The following CEP192 variants were observed in gnomAD, a reference collection of about 807,000 sequenced individuals.
CEP192 encodes centrosomal protein of 192 kDa.
Under a neutral mutation model 271.8 loss-of-function variants are expected in CEP192, and 151 were observed. The observed-to-expected ratio is 0.56, with a 90% CI of 0.49 to 0.64. CEP192 has a LOEUF of 0.64. Among genes scored for constraint, CEP192 ranks in the 30% least tolerant of loss-of-function variants. The pLI, the probability that CEP192 is intolerant of heterozygous loss-of-function variation, is 0.00. For missense variants in CEP192, 2,910 were observed against 3,020.5 expected (o/e 0.96, Z 0.86); for synonymous variants, 995 against 1,076.5 (o/e 0.92, Z 1.48).
At chr18:13,036,231 A>ATC (rs2035910273) in intron 11 of CEP192, among the ~76,000 whole-genome samples, 1 of 152,156 alleles carries the variant, frequency 6.6e-6, no homozygotes, top group African/African-American at 2.4e-5. Context: ...TCTGACAGGT[A>ATC]GGAAGCCTCA....
chr18:13,008,376 C>A, intron 3 of CEP192, 80 bp from the exon 4 acceptor site: 1 of 1,017,404 alleles, frequency 9.8e-7, no homozygotes, highest in Non-Finnish European at 1.4e-6. Context: ...AGGTAAAATA[C>A]ATAACTGATT....
Position 13,059,290 on chromosome 18 carries a change from T to C in CEP192, c.4466T>C (p.Ile1489Thr), listed in dbSNP as rs760405828. ...ALASTVTLTA[I>T]AESPVIEVET... ...GCCAGCACCGTCACTCTCACTGCCA[T>C]TGCCGAGAGTCCTGTTATTGAGGTA... Residue 1489 changes from isoleucine (I) to threonine (T), a missense_variant, in exon 21 of 45, where the codon ATT becomes ACT. Coordinates refer to ENST00000506447, the MANE Select transcript of CEP192 (RefSeq NM_032142.4). 1 of 1,613,644 alleles carries C rather than the reference T, an allele frequency of 6.2e-7. No homozygotes were observed. The highest frequency in any genetic ancestry group is 1.1e-5 in the South Asian group (1 of 91,080).
intron 42 of CEP192, among the ~76,000 whole-genome samples, chr18:13,115,160 C>T (rs2040370784): frequency 6.6e-6 from 1 of 152,324 alleles, no homozygotes; most frequent in Non-Finnish European, 1.5e-5. Flanking sequence ...GGCACACTCC[C>T]TCCAGGCTGT....
At position 13,024,562 on chromosome 18, in the gene CEP192, A is replaced by G. The variant is rs139888833; in HGVS notation, c.1051-5101A>G. On this transcript the variant is annotated intron_variant, in intron 9 of 44. Transcript: ENST00000506447. ...ACTGCAACCTCTGACTCCCTGGTTC[A>G]ATTGATTCTCCTGCCTCAGCCTCCC... Among the ~76,000 whole-genome samples the G allele has an allele frequency of 3.0e-4, 45 of 152,132 alleles. No homozygotes were observed. In the East Asian group the frequency reaches 8.7e-3, roughly 29 times the overall value.
intron 44 of CEP192, among the ~76,000 whole-genome samples, chr18:13,123,834 A>G (rs960069488): frequency 6.6e-6 from 1 of 152,192 alleles, no homozygotes; most frequent in Non-Finnish European, 1.5e-5. Flanking sequence ...TATATACTGT[A>G]ATCTGAAAGT....
chr18:13,100,773 A>C (rs1219447059), intron 38 of CEP192, among the ~76,000 whole-genome samples: 2 of 152,200 alleles, frequency 1.3e-5, no homozygotes, highest in African/African-American at 4.8e-5. Flanking sequence ...TGCAACTGTC[A>C]CCAGATCTTG....
chr18:13,004,022 CAA>C (rs1351339659), intron 3 of CEP192, among the ~76,000 whole-genome samples: 3 of 152,082 alleles, frequency 2.0e-5, no homozygotes, highest in Non-Finnish European at 2.9e-5. Context: ...GAAGCCATGT[CAA>C]GAGCATGTAT....
At chr18:12,991,822 A>G (rs1159220192) in intron 1 of CEP192, among the ~76,000 whole-genome samples, 5 of 152,196 alleles carry the variant, frequency 3.3e-5, no homozygotes, top group African/African-American at 1.2e-4. Flanking sequence ...GTGCTTGTGA[A>G]GTGACCGGTG....
intron 41 of CEP192, 95 bp from the exon 42 acceptor site, chr18:13,114,035 T>C (rs2040323357): frequency 7.0e-7 from 1 of 1,425,304 alleles, no homozygotes; most frequent in Non-Finnish European, 9.5e-7. Flanking sequence ...CTTTTAAAAA[T>C]TTTTAAAGGA....
chr18:13,069,618 CAA>C, intron 26 of CEP192, 118 bp from the exon 27 acceptor site: 4 of 681,100 alleles, frequency 5.9e-6, no homozygotes, highest in Non-Finnish European at 1.0e-5. Context: ...CCGTGACAGA[CAA>C]GAAGGGGACA....
At chr18:13,041,014 A>AG in intron 14 of CEP192, 58 bp downstream of exon 14, 1 of 1,481,704 alleles carries the variant, frequency 6.7e-7, no homozygotes, top group Non-Finnish European at 9.2e-7. Context: ...TGCGTAACTT[A>AG]GGGGTTAAAT....
At chr18:13,089,767 C>A (rs1344870373) in intron 33 of CEP192, among the ~76,000 whole-genome samples, 1 of 152,144 alleles carries the variant, frequency 6.6e-6, no homozygotes, top group South Asian at 2.1e-4. Flanking sequence ...GAAAGAAGAG[C>A]GACATCTAGC....
At chr18:13,109,938 T>G (rs979572007) in intron 40 of CEP192, among the ~76,000 whole-genome samples, 18 of 152,198 alleles carry the variant, frequency 1.2e-4, no homozygotes, top group African/African-American at 4.1e-4. Context: ...GCAAAAAGAA[T>G]GACTTAAGTA....
chr18:13,034,693 G>A (rs1370203218), intron 11 of CEP192, among the ~76,000 whole-genome samples: 1 of 151,496 alleles, frequency 6.6e-6, no homozygotes, highest in Non-Finnish European at 1.5e-5. Context: ...GTGGGCACCT[G>A]TAGTCCCAGC....
chr18:13,042,687 A>C (rs1258190549), intron 15 of CEP192, among the ~76,000 whole-genome samples: 3 of 152,218 alleles, frequency 2.0e-5, no homozygotes, highest in Non-Finnish European at 4.4e-5. Context: ...ATCTGATTCT[A>C]AACTTCACTT....
intron 38 of CEP192, among the ~76,000 whole-genome samples, chr18:13,101,587 TAGAG>T (rs1402224595): frequency 6.6e-6 from 1 of 152,146 alleles, no homozygotes; most frequent in Non-Finnish European, 1.5e-5. Context: ...GGGGACCTGT[TAGAG>T]AGGATATGGG....
At chr18:13,066,801 A>G (rs2037724544) in intron 21 of CEP192, among the ~76,000 whole-genome samples, 1 of 152,170 alleles carries the variant, frequency 6.6e-6, no homozygotes, top group Non-Finnish European at 1.5e-5. Context: ...TTGAAGTCAC[A>G]TCTTCTGTTC....
chr18:13,083,199 A>G (rs2038717629), intron 30 of CEP192, among the ~76,000 whole-genome samples: 1 of 152,184 alleles, frequency 6.6e-6, no homozygotes, highest in South Asian at 2.1e-4. Flanking sequence ...CTCCTGGATA[A>G]TATCCTGCAG....
At chr18:12,995,667 G>C (rs2033183052) in intron 1 of CEP192, among the ~76,000 whole-genome samples, 1 of 152,210 alleles carries the variant, frequency 6.6e-6, no homozygotes, top group Non-Finnish European at 1.5e-5. Context: ...GAGTTACATA[G>C]CATGCAGGTG....
Sources: allele counts gnomAD v4.1 joint callset (sites outside exome capture counted in the v4.1 genomes callset), GRCh38; gene constraint gnomAD v4.1.1; transcripts MANE v1.5; gene names NCBI Gene and HGNC (gene_info 2026-07-23, HGNC 2026-07-21).